Variants in CELF2 observed in about 807,000 individuals in gnomAD.
CELF2 encodes the protein CUGBP Elav-like family member 2, also known as CUG triplet repeat RNA-binding protein 2.
Under a neutral mutation model 62.6 loss-of-function variants are expected in CELF2, and 8 were observed. That is an observed-to-expected ratio of 0.13 (90% CI 0.07 to 0.23). The LOEUF is 0.23. CELF2 is among the 10% of genes least tolerant of loss of function. The pLI is 1.00. For synonymous variants in CELF2, 258 were observed against 250.0 expected (o/e 1.03, Z -0.30); for missense variants, 333 against 671.0 (o/e 0.50, Z 5.56).
At chr10:10,546,017 G>A in the CELF2 span, among the ~76,000 whole-genome samples, 1,787 of 152,284 alleles carry the variant, frequency 0.012, 18 homozygotes, top group Non-Finnish European at 0.019. Flanking sequence ...TCAGAGAACA[G>A]CCTTGTGCTA....
chr10:10,647,504 G>A, the CELF2 span, among the ~76,000 whole-genome samples: 2 of 152,180 alleles, frequency 1.3e-5, no homozygotes, highest in Non-Finnish European at 2.9e-5. Context: ...CCAAAGGGCA[G>A]CTCTTGCTTA....
the CELF2 span, among the ~76,000 whole-genome samples, chr10:10,705,178 C>T: frequency 2.9e-4 from 44 of 152,182 alleles, no homozygotes; most frequent in African/African-American, 1.1e-3. Context: ...AGAGCTAGAC[C>T]TTAACTCTAA....
the CELF2 span, among the ~76,000 whole-genome samples, chr10:10,482,506 C>A: frequency 6.6e-6 from 1 of 152,172 alleles, no homozygotes; most frequent in Admixed American, 6.5e-5. Context: ...TTTCATACAA[C>A]CTTAACTATG....
chr10:10,895,763 A>G (rs1438711477), intron 1 of CELF2, among the ~76,000 whole-genome samples: 1 of 152,214 alleles, frequency 6.6e-6, no homozygotes. Context: ...ACATATATTA[A>G]TAAATCATAC....
chr10:10,510,240 T>A, the CELF2 span, among the ~76,000 whole-genome samples: 1 of 152,230 alleles, frequency 6.6e-6, no homozygotes, highest in South Asian at 2.1e-4. Flanking sequence ...AGTGCCATTA[T>A]CCTGAATGAA....
chr10:10,465,350 GATTA>G, the CELF2 span, among the ~76,000 whole-genome samples: 1 of 152,082 alleles, frequency 6.6e-6, no homozygotes, highest in Non-Finnish European at 1.5e-5. Context: ...AATGTAATTT[GATTA>G]ATTAGTCTAT....
chr10:11,025,075 C>G (rs1276831466), intron 1 of CELF2, among the ~76,000 whole-genome samples: 1 of 152,110 alleles, frequency 6.6e-6, no homozygotes, highest in Non-Finnish European at 1.5e-5. Context: ...CTCCTAGTAG[C>G]AGGAAAGTTG....
intron 2 of CELF2, among the ~76,000 whole-genome samples, chr10:10,977,453 A>G (rs1209973964): frequency 6.6e-6 from 1 of 152,258 alleles, no homozygotes; most frequent in Non-Finnish European, 1.5e-5. Context: ...AGATCTTTCA[A>G]AACAAAACTG....
the CELF2 span, among the ~76,000 whole-genome samples, chr10:10,783,350 G>C: frequency 6.6e-6 from 1 of 152,092 alleles, no homozygotes; most frequent in Non-Finnish European, 1.5e-5. Context: ...AAGATACAGA[G>C]GGAAAGTACA....
chr10:10,696,333 A>C, the CELF2 span, among the ~76,000 whole-genome samples: 1 of 151,624 alleles, frequency 6.6e-6, no homozygotes, highest in Non-Finnish European at 1.5e-5. Flanking sequence ...GGGGTCAGGG[A>C]CCCACTTGAG....
rs1254061788 is a variant in CELF2, at chr10:10,972,305, A to T, written c.89+52306A>T. Among the ~76,000 whole-genome samples the T allele has an allele frequency of 1.3e-5, 2 of 152,238 alleles. No individual in the cohort carries two copies. The highest frequency in any genetic ancestry group is 2.9e-5 in the Non-Finnish European group (2 of 68,044). ...GTTAAATGATTTTAGGAAGCTCTAC[A>T]TATCATCATCCCCTGTAAAAATTCA... On this transcript the variant is annotated intron_variant, in intron 2 of 13. Transcript: ENST00000636488. The surrounding 1 kb of genome is among the most constrained non-coding windows in gnomAD (Gnocchi z 4.4).
the CELF2 span, among the ~76,000 whole-genome samples, chr10:10,672,390 G>A: frequency 3.3e-5 from 5 of 151,230 alleles, no homozygotes. Context: ...TTTCTTCTAT[G>A]TTACCTTCTA....
chr10:11,135,554 G>A (rs555655362), intron 1 of CELF2, among the ~76,000 whole-genome samples: 6 of 152,236 alleles, frequency 3.9e-5, no homozygotes, highest in Admixed American at 1.3e-4. Context: ...CTACAGGAAA[G>A]ACCCTTGCCT....
rs139917602 is a variant in CELF2, at chr10:11,254,171, G to A, written c.404-3567G>A. Among the ~76,000 whole-genome samples, 18 of 152,350 alleles carry A rather than the reference G, an allele frequency of 1.2e-4. No homozygotes were observed. In the East Asian group the frequency reaches 3.5e-3, roughly 29 times the overall value. On this transcript the variant is annotated intron_variant, in intron 4 of 12. Transcript: ENST00000633077. ...TAGGGACCCTCAGAATGGGAATTTG[G>A]GGGATGAATTGTATGACTAACTTGT... is the stretch of plus-strand genomic sequence containing the variant.
intron 1 of CELF2, among the ~76,000 whole-genome samples, chr10:10,912,465 G>T (rs1486949147): frequency 6.6e-6 from 1 of 152,096 alleles, no homozygotes; most frequent in Non-Finnish European, 1.5e-5. Context: ...CACCTCCCAG[G>T]TTCAAGCGAT....
At chr10:10,615,853 G>A in the CELF2 span, among the ~76,000 whole-genome samples, 1 of 152,066 alleles carries the variant, frequency 6.6e-6, no homozygotes, top group Non-Finnish European at 1.5e-5. Context: ...AAATTACCCA[G>A]TCCGAAGTAT....
chr10:10,952,668 A>T (rs929467384), intron 2 of CELF2, among the ~76,000 whole-genome samples: 5 of 150,154 alleles, frequency 3.3e-5, no homozygotes, highest in African/African-American at 1.2e-4. Flanking sequence ...TGAGTATGAG[A>T]TGGTCCAAAA....
chr10:11,210,470 C>T (rs913388419), intron 2 of CELF2, among the ~76,000 whole-genome samples: 8 of 152,198 alleles, frequency 5.3e-5, no homozygotes, highest in African/African-American at 1.9e-4. Flanking sequence ...TGCAGGAAAC[C>T]ATTTTTCAGT....
At chr10:10,675,086 C>G in the CELF2 span, among the ~76,000 whole-genome samples, 4 of 152,104 alleles carry the variant, frequency 2.6e-5, no homozygotes, top group African/African-American at 9.7e-5. Context: ...GATGTGCTCC[C>G]TTTATTTATG....
Sources: allele counts gnomAD v4.1 joint callset (sites outside exome capture counted in the v4.1 genomes callset), GRCh38; gene constraint gnomAD v4.1.1; non-coding constraint Gnocchi (gnomAD v3.1); transcripts MANE v1.5; gene names NCBI Gene and HGNC (gene_info 2026-07-23, HGNC 2026-07-21).